The following ADARB2 variants were observed in gnomAD, a reference collection of about 807,000 sequenced individuals.
ADARB2 encodes inactive double-stranded RNA-specific editase B2.
A neutral mutation model predicts 62.2 loss-of-function variants in ADARB2; 25 were observed. The observed-to-expected ratio is 0.40, with a 90% CI of 0.29 to 0.56. The LOEUF (loss-of-function observed/expected upper bound fraction) is 0.56. Among genes scored for constraint, ADARB2 ranks in the 20% least tolerant of loss-of-function variants. ADARB2 has a pLI of 0.43. For synonymous variants in ADARB2, 572 were observed against 500.8 expected, an observed-to-expected ratio of 1.14 and a Z score of -1.90; for missense variants, 1,071 against 1,077.4, an observed-to-expected ratio of 0.99 and a Z score of 0.08.
chr10:1,229,867 T>TGG (rs879437397), intron 6 of ADARB2, among the ~76,000 whole-genome samples: 39 of 152,074 alleles, frequency 2.6e-4, no homozygotes, highest in Non-Finnish European at 5.0e-4. Flanking sequence ...TGTGTGTGTG[T>TGG]GGGTATATAT....
intron 1 of ADARB2, among the ~76,000 whole-genome samples, chr10:1,440,474 A>G (rs1426149871): frequency 6.8e-6 from 1 of 146,472 alleles, no homozygotes; most frequent in African/African-American, 2.5e-5. Context: ...TGGCTCAGAG[A>G]TTGCTTTTTG....
intron 1 of ADARB2, among the ~76,000 whole-genome samples, chr10:1,528,465 G>A (rs1220018742): frequency 1.3e-5 from 2 of 152,158 alleles, no homozygotes; most frequent in Admixed American, 6.5e-5. Context: ...TTATGGATGC[G>A]CCAAAGTACT....
chr10:1,691,913 G>C (rs1834677918), intron 1 of ADARB2, among the ~76,000 whole-genome samples: 1 of 152,136 alleles, frequency 6.6e-6, no homozygotes, highest in Non-Finnish European at 1.5e-5. Context: ...GTGTGTGTGT[G>C]TGTGTGTGCA....
intron 1 of ADARB2, among the ~76,000 whole-genome samples, chr10:1,386,275 CAG>C (rs922605842): frequency 1.3e-5 from 2 of 151,668 alleles, no homozygotes; most frequent in African/African-American, 4.8e-5. Flanking sequence ...ATTGAATAAA[CAG>C]AAAAAAATTA....
rs1364699632 is a variant in ADARB2 at position 1,707,389 on chromosome 10, C to T, written c.100+29662G>A. Among the ~76,000 whole-genome samples the T allele has an allele frequency of 3.3e-5, 5 of 152,266 alleles. No homozygotes were observed. The East Asian group carries it at 7.7e-4, about 23-fold the overall frequency. ...ATTTTCTGTGAACGTTTGTCTGCCC[C>T]AGTGAGAGCTCATCTTAATCTTGAT... On this transcript the variant is annotated intron_variant, in intron 1 of 9. Coordinates refer to ENST00000381312, the MANE Select transcript of ADARB2 (RefSeq NM_018702.4).
intron 3 of ADARB2, among the ~76,000 whole-genome samples, chr10:1,351,000 C>T (rs1026562533): frequency 5.3e-5 from 8 of 152,158 alleles, no homozygotes; most frequent in East Asian, 1.9e-4. Context: ...CCTCCAGGCC[C>T]GTTTACCCGA....
chr10:1,211,186 TTCATCTA>T (rs1179003042), intron 7 of ADARB2, among the ~76,000 whole-genome samples: 4 of 152,132 alleles, frequency 2.6e-5, no homozygotes, highest in South Asian at 2.1e-4. Flanking sequence ...TCATCTAATT[TTCATCTA>T]TCATCTATCA....
intron 1 of ADARB2, among the ~76,000 whole-genome samples, chr10:1,481,319 C>A (rs1831467641): frequency 6.6e-6 from 1 of 152,122 alleles, no homozygotes; most frequent in Admixed American, 6.5e-5. Context: ...TGATCAAAGA[C>A]CTAAATATAT....
At chr10:1,698,672 G>T (rs1377937013) in intron 1 of ADARB2, among the ~76,000 whole-genome samples, 2 of 152,188 alleles carry the variant, frequency 1.3e-5, no homozygotes, top group African/African-American at 4.8e-5. Context: ...GGTAGTTAAA[G>T]GTGGAGCAGA....
chr10:1,221,861 C>T (rs1417369628), intron 6 of ADARB2, among the ~76,000 whole-genome samples: 1 of 152,102 alleles, frequency 6.6e-6, no homozygotes, highest in East Asian at 1.9e-4. Context: ...CTATTGTGAA[C>T]AGTGCCACAA....
intron 1 of ADARB2, among the ~76,000 whole-genome samples, chr10:1,457,305 C>T (rs1363650774): frequency 1.3e-5 from 2 of 152,136 alleles, no homozygotes; most frequent in Non-Finnish European, 1.5e-5. Context: ...TTGAGACACA[C>T]CAGTGTCCAC....
chr10:1,604,382 G>A (rs912127833), intron 1 of ADARB2, among the ~76,000 whole-genome samples: 3 of 152,140 alleles, frequency 2.0e-5, no homozygotes, highest in Non-Finnish European at 4.4e-5. Flanking sequence ...TGATGTTGAA[G>A]GCGTGGGTGT....
rs527830068 is a variant in ADARB2 at position 1,520,355 on chromosome 10, A to C, written c.101-141195T>G. 2.0e-5 allele frequency among the ~76,000 whole-genome samples: 3 copies of C among 152,358 alleles called. No homozygotes were observed. The South Asian group carries it at 6.2e-4, about 32-fold the overall frequency. Reference sequence around the variant, plus strand: ...TCTGGAAGGACACAAATCAAAATTGAAGAAGCACTTATATCTGGCTGGTGG... The same window carrying C: ...TCTGGAAGGACACAAATCAAAATTGCAGAAGCACTTATATCTGGCTGGTGG... On this transcript the variant is annotated intron_variant, in intron 1 of 9. Transcript: ENST00000381312.
intron 1 of ADARB2, among the ~76,000 whole-genome samples, chr10:1,504,825 A>G (rs1305381728): frequency 6.6e-6 from 1 of 152,200 alleles, no homozygotes; most frequent in Non-Finnish European, 1.5e-5. Context: ...TGCCGGCTTC[A>G]TGCTGTGCCT....
intron 1 of ADARB2, among the ~76,000 whole-genome samples, chr10:1,716,106 G>A (rs754433150): frequency 1.3e-5 from 2 of 151,152 alleles, no homozygotes; most frequent in Non-Finnish European, 3.0e-5. Context: ...TGGGTGCACC[G>A]TGCGCGTTCC....
chr10:1,682,204 A>G (rs1834546087), intron 1 of ADARB2, among the ~76,000 whole-genome samples: 1 of 152,224 alleles, frequency 6.6e-6, no homozygotes, highest in Non-Finnish European at 1.5e-5. Context: ...ACATGGAGGA[A>G]TAAGAGAGCA....
intron 7 of ADARB2, among the ~76,000 whole-genome samples, chr10:1,209,913 C>A (rs1016984302): frequency 6.6e-6 from 1 of 152,174 alleles, no homozygotes; most frequent in Non-Finnish European, 1.5e-5. Flanking sequence ...TCATTCTAAG[C>A]CACTGGAAAA....
chr10:1,367,448 C>A (rs1470549440), intron 2 of ADARB2, among the ~76,000 whole-genome samples: 2 of 152,162 alleles, frequency 1.3e-5, no homozygotes, highest in African/African-American at 4.8e-5. Flanking sequence ...TATAGGTGCA[C>A]AACATTCATT....
intron 1 of ADARB2, among the ~76,000 whole-genome samples, chr10:1,525,456 T>C (rs1260520542): frequency 6.6e-6 from 1 of 152,182 alleles, no homozygotes; most frequent in Non-Finnish European, 1.5e-5. Context: ...GACTGAAACA[T>C]TGGTATCTCT....
Sources: allele counts gnomAD v4.1 joint callset (sites outside exome capture counted in the v4.1 genomes callset), GRCh38; gene constraint gnomAD v4.1.1; transcripts MANE v1.5; gene names NCBI Gene and HGNC (gene_info 2026-07-23, HGNC 2026-07-21).